GHR: variants seen among roughly 807,000 people sequenced by gnomAD.
GHR encodes the protein GH receptor.
In GHR, 35 loss-of-function variants were observed where a neutral mutation model predicts 67.1. The ratio of observed to expected loss-of-function variants is 0.52; its 90% CI spans 0.40 to 0.69. The LOEUF is 0.69. Ranked by LOEUF, GHR falls within the 30% of genes least tolerant of loss-of-function variation. The pLI is 0.00. For synonymous variants in GHR, 272 were observed against 269.1 expected, an observed-to-expected ratio of 1.01 and a Z score of -0.10; for missense variants, 792 against 764.6, an observed-to-expected ratio of 1.04 and a Z score of -0.42.
intron 3 of GHR, among the ~76,000 whole-genome samples, chr5:42,678,250 T>A (rs912589976): frequency 1.3e-5 from 2 of 152,232 alleles, no homozygotes; most frequent in African/African-American, 4.8e-5. Flanking sequence ...CTCTACCCAG[T>A]ATTATCAAAA....
intron 1 of GHR, among the ~76,000 whole-genome samples, chr5:42,529,686 C>A (rs1233527891): frequency 6.6e-6 from 1 of 152,100 alleles, no homozygotes; most frequent in Non-Finnish European, 1.5e-5. Flanking sequence ...GGGTGGGTCA[C>A]TTAGTCTGCT....
chr5:42,494,959 T>TC (rs1333041303), intron 1 of GHR, among the ~76,000 whole-genome samples: 2 of 152,008 alleles, frequency 1.3e-5, no homozygotes, highest in Non-Finnish European at 2.9e-5. Flanking sequence ...TGATGGAAGC[T>TC]CCCATATCTT....
chr5:42,543,485 T>C (rs1346213727), intron 1 of GHR, among the ~76,000 whole-genome samples: 1 of 152,194 alleles, frequency 6.6e-6, no homozygotes, highest in African/African-American at 2.4e-5. Flanking sequence ...GAGTCTTTAG[T>C]GACAGGCTAG....
intron 3 of GHR, among the ~76,000 whole-genome samples, chr5:42,633,179 G>A (rs1348069199): frequency 6.6e-6 from 1 of 151,986 alleles, no homozygotes; most frequent in Non-Finnish European, 1.5e-5. Context: ...AATTTGTCTT[G>A]TATTCCTATA....
At chr5:42,443,056 G>T (rs900997690) in intron 1 of GHR, among the ~76,000 whole-genome samples, 1 of 152,154 alleles carries the variant, frequency 6.6e-6, no homozygotes, top group Non-Finnish European at 1.5e-5. Flanking sequence ...TTTTGGAGGG[G>T]CAACACTCCT....
intron 1 of GHR, among the ~76,000 whole-genome samples, chr5:42,472,374 T>C (rs1428712862): frequency 6.6e-6 from 1 of 152,182 alleles, no homozygotes. Flanking sequence ...ATAAATGCTA[T>C]TGCACAAAAA....
At chr5:42,546,327 C>T (rs558464951) in intron 1 of GHR, among the ~76,000 whole-genome samples, 95 of 152,306 alleles carry the variant, frequency 6.2e-4, no homozygotes, top group Admixed American at 2.7e-3. Context: ...TGGGATCCAA[C>T]ATCATAGTGA....
At chr5:42,541,677 A>G (rs1230040058) in intron 1 of GHR, among the ~76,000 whole-genome samples, 2 of 152,208 alleles carry the variant, frequency 1.3e-5, no homozygotes, top group Non-Finnish European at 2.9e-5. Flanking sequence ...ATAATAATCC[A>G]GATAAATGTT....
At chr5:42,664,753 T>C (rs1302103515) in intron 3 of GHR, among the ~76,000 whole-genome samples, 6 of 152,110 alleles carry the variant, frequency 3.9e-5, no homozygotes, top group Non-Finnish European at 8.8e-5. Flanking sequence ...TGGGGTCTAA[T>C]TAAACTAAAG....
intron 2 of GHR, among the ~76,000 whole-genome samples, chr5:42,611,049 C>T (rs1431723278): frequency 6.6e-6 from 1 of 152,182 alleles, no homozygotes; most frequent in Non-Finnish European, 1.5e-5. Flanking sequence ...CTATCTTATG[C>T]TCCAGATAAA....
At chr5:42,643,482 C>T (rs1352605968) in intron 3 of GHR, among the ~76,000 whole-genome samples, 2 of 152,166 alleles carry the variant, frequency 1.3e-5, no homozygotes, top group Non-Finnish European at 1.5e-5. Context: ...ATGGTGTGGG[C>T]ATGAGTCTAC....
chr5:42,717,950 G>GA (rs1194699337), intron 8 of GHR, 102 bp from the exon 9 acceptor site: 4 of 702,200 alleles, frequency 5.7e-6, no homozygotes, highest in African/African-American at 5.4e-5. Flanking sequence ...AGAATATTTG[G>GA]AAAAAGTAAT....
intron 2 of GHR, among the ~76,000 whole-genome samples, chr5:42,583,719 A>G (rs1264713263): frequency 6.6e-6 from 1 of 152,010 alleles, no homozygotes; most frequent in African/African-American, 2.4e-5. Flanking sequence ...GGAAAACATT[A>G]CCCTTGGGAT....
At chr5:42,616,729 ATATT>A (rs748204655) in intron 2 of GHR, among the ~76,000 whole-genome samples, 1 of 151,970 alleles carries the variant, frequency 6.6e-6, no homozygotes, top group African/African-American at 2.4e-5. Context: ...TAACAGGACA[ATATT>A]TATGGGTCGG....
chr5:42,625,340 G>GT (rs1753646957), intron 2 of GHR, among the ~76,000 whole-genome samples: 8 of 135,208 alleles, frequency 5.9e-5, no homozygotes, highest in Admixed American at 5.7e-4. Context: ...CTGAGAGTAT[G>GT]TAAAAAAAAA....
chr5:42,517,012 T>C (rs1747267233), intron 1 of GHR, among the ~76,000 whole-genome samples: 1 of 152,200 alleles, frequency 6.6e-6, no homozygotes, highest in Non-Finnish European at 1.5e-5. Flanking sequence ...TTTGGAGGCA[T>C]CTTTTTCAGT....
Position 42,495,722 on chromosome 5 carries a change from AG to A in GHR, c.-11-70141del, listed in dbSNP as rs1187866973. Among the ~76,000 whole-genome samples the A allele has an allele frequency of 5.9e-5, 9 of 152,306 alleles. No homozygotes were observed. The South Asian group carries it at 1.9e-3, about 32-fold the overall frequency. On this transcript the variant is annotated intron_variant, in intron 1 of 9. Coordinates refer to ENST00000230882, the MANE Select transcript of GHR (RefSeq NM_000163.5). The stretch of plus-strand genomic sequence containing the variant: ...TTCAATTTCAAGAAGAAACATCTGC[AG>A]TAAAGGAAGAACTGCATAGTTTGCA...
At chr5:42,615,245 T>G (rs1753085646) in intron 2 of GHR, among the ~76,000 whole-genome samples, 1 of 151,870 alleles carries the variant, frequency 6.6e-6, no homozygotes, top group Admixed American at 6.6e-5. Flanking sequence ...AAATAAGGAT[T>G]TTTTTTCTAG....
At chr5:42,610,061 T>C (rs1752816858) in intron 2 of GHR, among the ~76,000 whole-genome samples, 1 of 152,196 alleles carries the variant, frequency 6.6e-6, no homozygotes, top group Non-Finnish European at 1.5e-5. Flanking sequence ...ATATAGGAGT[T>C]ACTCTTCTTT....
Sources: gnomAD v4.1 joint callset for allele counts (sites outside exome capture counted in the v4.1 genomes callset) on GRCh38, gnomAD v4.1.1 for gene constraint, MANE v1.5 for transcripts, NCBI Gene and HGNC (gene_info 2026-07-23, HGNC 2026-07-21) for gene names.